The following DSCAML1 variants were observed in gnomAD, a reference collection of about 807,000 sequenced individuals.
DSCAML1 encodes cell adhesion molecule DSCAML1.
A neutral mutation model predicts 200.5 loss-of-function variants in DSCAML1; 38 were observed. The observed-to-expected ratio is 0.19, with a 90% CI of 0.15 to 0.25. DSCAML1 has a LOEUF of 0.25. Among genes scored for constraint, DSCAML1 ranks in the 10% least tolerant of loss-of-function variants. The probability of loss-of-function intolerance (pLI) is 1.00; values close to 1 mark genes in which losing one functional copy is unlikely to be tolerated. For synonymous variants in DSCAML1, 1,215 were observed against 1,165.0 expected, an observed-to-expected ratio of 1.04 and a Z score of -0.87; for missense variants, 2,223 against 2,858.8, an observed-to-expected ratio of 0.78 and a Z score of 5.07.
At chr11:117,484,706 G>T (rs2049001448) in intron 11 of DSCAML1, among the ~76,000 whole-genome samples, 1 of 152,240 alleles carries the variant, frequency 6.6e-6, no homozygotes, top group Admixed American at 6.5e-5. Context: ...ACACCAACAA[G>T]TCAGGACTTG....
intron 3 of DSCAML1, among the ~76,000 whole-genome samples, chr11:117,681,116 C>T (rs925212182): frequency 5.3e-5 from 8 of 152,310 alleles, no homozygotes; most frequent in South Asian, 2.1e-4. Flanking sequence ...ACACAAAACA[C>T]GCATCTGCAA....
intron 3 of DSCAML1, among the ~76,000 whole-genome samples, chr11:117,633,511 G>A (rs546811911): frequency 8.1e-4 from 123 of 152,190 alleles, no homozygotes; most frequent in Non-Finnish European, 1.5e-3. Flanking sequence ...TTCAGCGCGT[G>A]GCAGGTTTTC....
intron 11 of DSCAML1, among the ~76,000 whole-genome samples, chr11:117,491,149 G>C (rs1051650507): frequency 6.6e-5 from 10 of 152,204 alleles, no homozygotes; most frequent in African/African-American, 2.4e-4. Context: ...GGGCTGCCGG[G>C]AGAGGCTGCT....
intron 7 of DSCAML1, among the ~76,000 whole-genome samples, chr11:117,517,786 G>A (rs1229497000): frequency 4.6e-5 from 7 of 152,242 alleles, no homozygotes; most frequent in African/African-American, 1.7e-4. Flanking sequence ...GCTACAAAGA[G>A]CTTCAGAGGA....
At chr11:117,545,513 C>T (rs1377867597) in intron 3 of DSCAML1, among the ~76,000 whole-genome samples, 1 of 152,176 alleles carries the variant, frequency 6.6e-6, no homozygotes, top group African/African-American at 2.4e-5. Flanking sequence ...ACTCTTCCAG[C>T]ACTAACAGAC....
intron 3 of DSCAML1, among the ~76,000 whole-genome samples, chr11:117,728,119 GTTT>G (rs2137811099): frequency 6.6e-6 from 1 of 152,248 alleles, no homozygotes; most frequent in Non-Finnish European, 1.5e-5. Context: ...TGCAAAGCTG[GTTT>G]AACATCAGAA....
At chr11:117,601,471 T>C (rs193221591) in intron 3 of DSCAML1, among the ~76,000 whole-genome samples, 2 of 152,286 alleles carry the variant, frequency 1.3e-5, no homozygotes, top group Non-Finnish European at 2.9e-5. Flanking sequence ...GAATAGGTGG[T>C]GTTAATTGTG....
At chr11:117,513,922 G>A (rs1016444701) in intron 8 of DSCAML1, among the ~76,000 whole-genome samples, 1 of 152,132 alleles carries the variant, frequency 6.6e-6, no homozygotes, top group Admixed American at 6.5e-5. Context: ...AGGAGCTGGG[G>A]GAGAAGTCTC....
chr11:117,480,746 C>T lies in DSCAML1; in HGVS notation c.2657-175G>A, dbSNP rs1457105246. Among the ~76,000 whole-genome samples the T allele has an allele frequency of 6.6e-6, 1 of 152,134 alleles. No individual in the cohort carries two copies. Among genetic ancestry groups the T allele is most frequent in the Admixed American group, 6.5e-5 (1 of 15,286 alleles). The stretch of plus-strand genomic sequence containing the variant: ...AGCCAGGCTTGGAGGCTGAGGAGGC[C>T]TGGCTTGCTCTCCTGTCTTGCTGCC... On this transcript the variant is annotated intron_variant, in intron 13 of 32. Transcript: ENST00000651296. The surrounding 1 kb of genome is among the most constrained non-coding windows in gnomAD (Gnocchi z 4.1).
At chr11:117,661,195 C>T (rs573236906) in intron 3 of DSCAML1, among the ~76,000 whole-genome samples, 99 of 152,244 alleles carry the variant, frequency 6.5e-4, no homozygotes, top group African/African-American at 2.2e-3. Flanking sequence ...TCCAGGGACT[C>T]AAATTTGGAG....
intron 3 of DSCAML1, among the ~76,000 whole-genome samples, chr11:117,653,436 T>C (rs556981744): frequency 6.6e-6 from 1 of 152,228 alleles, no homozygotes; most frequent in Non-Finnish European, 1.5e-5. Context: ...CCCAGAAGGA[T>C]TCCCCCTTCC....
At chr11:117,756,633 T>C (rs2054699268) in intron 3 of DSCAML1, among the ~76,000 whole-genome samples, 2 of 151,924 alleles carry the variant, frequency 1.3e-5, no homozygotes. Context: ...TATTCTTATT[T>C]TAGACATGAG....
intron 20 of DSCAML1, among the ~76,000 whole-genome samples, chr11:117,447,579 A>C (rs1331715746): frequency 6.6e-6 from 1 of 152,186 alleles, no homozygotes; most frequent in Non-Finnish European, 1.5e-5. Flanking sequence ...ATAAAATTGC[A>C]TTATTTTTAT....
chr11:117,470,416 A>G (rs1481186580), intron 15 of DSCAML1, among the ~76,000 whole-genome samples: 1 of 152,190 alleles, frequency 6.6e-6, no homozygotes, highest in Admixed American at 6.5e-5. Flanking sequence ...TCTACTAAAA[A>G]TACAAAAAAT....
At chr11:117,726,093 C>A (rs993902928) in intron 3 of DSCAML1, among the ~76,000 whole-genome samples, 3 of 152,230 alleles carry the variant, frequency 2.0e-5, no homozygotes, top group Admixed American at 1.3e-4. Context: ...TAGGACACCA[C>A]CCACGAGAAG....
intron 2 of DSCAML1, among the ~76,000 whole-genome samples, chr11:117,778,235 C>CTCTGTGGA (rs1459756549): frequency 6.6e-6 from 1 of 152,224 alleles, no homozygotes; most frequent in African/African-American, 2.4e-5. Context: ...GCACTGGTGG[C>CTCTGTGGA]TCTGTGGATC....
chr11:117,747,881 C>T (rs1344613230), intron 3 of DSCAML1, among the ~76,000 whole-genome samples: 1 of 152,150 alleles, frequency 6.6e-6, no homozygotes, highest in African/African-American at 2.4e-5. Flanking sequence ...ATGCAAGGTG[C>T]TCAGAGGCAG....
chr11:117,703,176 T>A (rs1184777744), intron 3 of DSCAML1, among the ~76,000 whole-genome samples: 4 of 152,146 alleles, frequency 2.6e-5, no homozygotes, highest in Non-Finnish European at 5.9e-5. Context: ...GCAACTCCAT[T>A]ATGCAAACCA....
chr11:117,790,930 C>A (rs2055452805), intron 1 of DSCAML1, among the ~76,000 whole-genome samples: 1 of 152,172 alleles, frequency 6.6e-6, no homozygotes, highest in Non-Finnish European at 1.5e-5. Flanking sequence ...AATGGATATG[C>A]AACTAACTAG....
Sources: gnomAD v4.1 joint callset for allele counts (sites outside exome capture counted in the v4.1 genomes callset) on GRCh38, gnomAD v4.1.1 for gene constraint, Gnocchi (gnomAD v3.1) non-coding constraint, MANE v1.5 for transcripts, NCBI Gene and HGNC (gene_info 2026-07-23, HGNC 2026-07-21) for gene names.